MPRIP: variants seen among roughly 807,000 people sequenced by gnomAD.
MPRIP encodes the protein myosin phosphatase Rho-interacting protein.
In MPRIP, 59 loss-of-function variants were observed where a neutral mutation model predicts 234.9. The ratio of observed to expected loss-of-function variants is 0.25; its 90% CI spans 0.20 to 0.31. The LOEUF (loss-of-function observed/expected upper bound fraction) is 0.31. Ranked by LOEUF, MPRIP falls within the 10% of genes least tolerant of loss-of-function variation. The pLI is 1.00. For missense variants in MPRIP, 2,436 were observed against 3,071.0 expected (o/e 0.79, Z 4.89); for synonymous variants, 1,144 against 1,263.9 (o/e 0.91, Z 2.01).
chr17:17,084,721 T>A (rs542921984), intron 3 of MPRIP, among the ~76,000 whole-genome samples: 16 of 152,346 alleles, frequency 1.1e-4, no homozygotes, highest in African/African-American at 3.8e-4. Context: ...TTCCTGACCC[T>A]CTGGTTTGTC....
intron 1 of MPRIP, among the ~76,000 whole-genome samples, chr17:17,049,612 C>T (rs1225522582): frequency 2.0e-5 from 3 of 152,332 alleles, no homozygotes; most frequent in East Asian, 1.9e-4. Context: ...TGGACCAGGT[C>T]GGTGGTTTTC....
intron 11 of MPRIP, among the ~76,000 whole-genome samples, chr17:17,149,179 C>T (rs1314137943): frequency 6.6e-6 from 1 of 152,116 alleles, no homozygotes; most frequent in Non-Finnish European, 1.5e-5. Context: ...GCCACAACTA[C>T]CTGAAAAAGC....
At position 17,164,994 on chromosome 17, in the gene MPRIP, C is replaced by A. The variant is rs1346849015; in HGVS notation, c.3403C>A (p.Leu1135Met). 3.8e-6 allele frequency: 5 copies of A among 1,302,278 alleles called. No individual in the cohort carries two copies. The highest frequency in any genetic ancestry group is 5.1e-6 in the Non-Finnish European group (5 of 988,826). The allele number at this position is 1,302,278 out of a possible 1,614,324, so 80.7% of individuals were successfully genotyped here. The change falls in exon 16 of 24, where the codon CTG becomes ATG. Residue 1135 changes from leucine to methionine, a missense_variant. Coordinates refer to ENST00000651222, the MANE Select transcript of MPRIP (RefSeq NM_001364716.4). ...DEDVAELREK[L>M]RRREADNQSL... is the part of the protein sequence containing the mutation. Reference sequence around the variant, plus strand: ...GGATGTGGCTGAGCTCCGGGAAAAGCTGAGGAGAAGAGAGGCTGACAACCA... The same window carrying A: ...GGATGTGGCTGAGCTCCGGGAAAAGATGAGGAGAAGAGAGGCTGACAACCA...
intron 15 of MPRIP, among the ~76,000 whole-genome samples, chr17:17,162,566 G>A (rs1273976885): frequency 6.6e-6 from 1 of 152,200 alleles, no homozygotes; most frequent in Non-Finnish European, 1.5e-5. Context: ...CAGACCTGGT[G>A]AACAGGGCCT....
chr17:17,086,621 C>T (rs2089596845), intron 3 of MPRIP, among the ~76,000 whole-genome samples: 1 of 152,174 alleles, frequency 6.6e-6, no homozygotes, highest in Non-Finnish European at 1.5e-5. Flanking sequence ...TTTTGAAACA[C>T]TAAAGGTGAG....
intron 3 of MPRIP, among the ~76,000 whole-genome samples, chr17:17,082,470 T>C (rs2089486433): frequency 6.6e-6 from 1 of 151,732 alleles, no homozygotes; most frequent in Non-Finnish European, 1.5e-5. Context: ...TAATTTTGTA[T>C]TTTTAGTAGA....
chr17:17,110,133 G>A (rs1396665487), intron 3 of MPRIP, among the ~76,000 whole-genome samples: 1 of 152,018 alleles, frequency 6.6e-6, no homozygotes, highest in African/African-American at 2.4e-5. Context: ...AGACCTTGTT[G>A]TTAAAAAGTG....
Position 17,165,548 on chromosome 17 carries a change from G to A in MPRIP, c.3957G>A (p.Arg1319=). The part of the protein sequence containing the change: ...KLDQGAPGVK[R]QRIRFSTIQC... Reference sequence around the variant, plus strand: ...ACCAAGGGGCACCTGGTGTTAAAAGGCAAAGAATCCGGTTCTCCACAATCC... The same window carrying A: ...ACCAAGGGGCACCTGGTGTTAAAAGACAAAGAATCCGGTTCTCCACAATCC... The change falls in exon 16 of 24, where the codon AGG becomes AGA. Residue 1319 remains arginine (R), a synonymous_variant. Transcript: ENST00000651222. 7.7e-7 allele frequency: 1 copy of A among 1,304,546 alleles called. No homozygotes were observed. Among genetic ancestry groups the A allele is most frequent in the Non-Finnish European group, 1.0e-6 (1 of 989,020 alleles). The allele number at this position is 1,304,546 out of a possible 1,614,324, so 80.8% of individuals were successfully genotyped here. A position where few individuals can be genotyped will look rare whatever the true frequency, so the allele number is the denominator to read the frequency against.
At chr17:17,150,540 A>ATG (rs1263554782) in intron 12 of MPRIP, among the ~76,000 whole-genome samples, 2 of 151,856 alleles carry the variant, frequency 1.3e-5, no homozygotes, top group Non-Finnish European at 2.9e-5. Flanking sequence ...AATTGGAAGG[A>ATG]TGTGGGGTAT....
At chr17:17,146,297 C>G (rs2045464330) in intron 10 of MPRIP, among the ~76,000 whole-genome samples, 1 of 152,216 alleles carries the variant, frequency 6.6e-6, no homozygotes, top group Non-Finnish European at 1.5e-5. Flanking sequence ...GTGGGGGGTG[C>G]TCTGGAGGGG....
rs1482140910 is a variant in MPRIP, at chr17:17,191,985, A to G, written c.*7091A>G. 6.6e-6 allele frequency: 1 copy of G among 152,218 alleles called. No individual in the cohort carries two copies. The highest frequency in any genetic ancestry group is 1.5e-5 in the Non-Finnish European group (1 of 68,034). The allele number at this position is 152,218 out of a possible 1,614,324, so 9.4% of individuals were successfully genotyped here. A position where few individuals can be genotyped will look rare whatever the true frequency, so the allele number is the denominator to read the frequency against. On this transcript the variant is annotated 3_prime_UTR_variant, in exon 24 of 24. Coordinates refer to ENST00000651222, the MANE Select transcript of MPRIP (RefSeq NM_001364716.4). The stretch of plus-strand genomic sequence containing the variant: ...ATTTATAAAAGGTAGAAAGCATCCA[A>G]GTGGCTCCTCAACAATTACAATTCT...
At chr17:17,111,064 TAGG>T (rs1663587663) in intron 3 of MPRIP, among the ~76,000 whole-genome samples, 1 of 150,726 alleles carries the variant, frequency 6.6e-6, no homozygotes, top group African/African-American at 2.4e-5. Flanking sequence ...GTGAGAGGTG[TAGG>T]AGAACTCTTC....
chr17:17,102,562 C>T (rs2089984696), intron 3 of MPRIP, among the ~76,000 whole-genome samples: 1 of 152,246 alleles, frequency 6.6e-6, no homozygotes, highest in Non-Finnish European at 1.5e-5. Flanking sequence ...GCCACTTTCT[C>T]ACCTGTGCAG....
chr17:17,078,338 A>G lies in MPRIP; in HGVS notation c.267+262A>G, dbSNP rs2089383907. ...GAAGTCATTTCTGTTGAAGGCTAAT[A>G]GTGTGGACTTCACTGGAGCACTCCT... On this transcript the variant is annotated intron_variant, in intron 3 of 23. Coordinates refer to ENST00000651222, the MANE Select transcript of MPRIP (RefSeq NM_001364716.4). The surrounding 1 kb of genome is among the most constrained non-coding windows in gnomAD (Gnocchi z 4.3). Among the ~76,000 whole-genome samples the G allele has an allele frequency of 6.6e-6, 1 of 152,196 alleles. No individual in the cohort carries two copies. Among genetic ancestry groups the G allele is most frequent in the South Asian group, 2.1e-4 (1 of 4,836 alleles).
chr17:17,082,647 C>T (rs976703929), intron 3 of MPRIP, among the ~76,000 whole-genome samples: 1 of 152,162 alleles, frequency 6.6e-6, no homozygotes, highest in Non-Finnish European at 1.5e-5. Flanking sequence ...CCATCTTAAT[C>T]GTTTTTAAGT....
At chr17:17,110,729 C>T (rs1297614421) in intron 3 of MPRIP, among the ~76,000 whole-genome samples, 1 of 152,194 alleles carries the variant, frequency 6.6e-6, no homozygotes, top group Non-Finnish European at 1.5e-5. Flanking sequence ...ACAGTCTAGT[C>T]GTGAGAACAA....
At chr17:17,059,509 G>A (rs1453321084) in intron 1 of MPRIP, among the ~76,000 whole-genome samples, 1 of 152,196 alleles carries the variant, frequency 6.6e-6, no homozygotes, top group Non-Finnish European at 1.5e-5. Flanking sequence ...CCGCTGCCTT[G>A]GGGCCTGCTC....
At chr17:17,163,161 T>C (rs115958834) in intron 15 of MPRIP, among the ~76,000 whole-genome samples, 3,603 of 152,290 alleles carry the variant, frequency 0.024, 112 homozygotes, top group Middle Eastern at 0.085. Flanking sequence ...GTGGGTGCTA[T>C]ACTAACTGCT....
chr17:17,144,406 A>G (rs760561075), intron 9 of MPRIP, among the ~76,000 whole-genome samples: 207 of 152,304 alleles, frequency 1.4e-3, no homozygotes, highest in Non-Finnish European at 2.6e-4. Flanking sequence ...GTCTTGAACA[A>G]AACTCCTTGT....
Sources: allele counts gnomAD v4.1 joint callset (sites outside exome capture counted in the v4.1 genomes callset), GRCh38; gene constraint gnomAD v4.1.1; non-coding constraint Gnocchi (gnomAD v3.1); transcripts MANE v1.5; gene names NCBI Gene and HGNC (gene_info 2026-07-23, HGNC 2026-07-21).